The following SIX1 variants were observed in gnomAD, a reference collection of about 807,000 sequenced individuals.
SIX1 encodes homeobox protein SIX1.
Under a neutral mutation model 26.5 loss-of-function variants are expected in SIX1, and 11 were observed. The ratio of observed to expected loss-of-function variants is 0.41; its 90% CI spans 0.26 to 0.69. The LOEUF (loss-of-function observed/expected upper bound fraction) is 0.69, where lower values mean the gene tolerates loss of function less well. Ranked by LOEUF, SIX1 falls within the 30% of genes least tolerant of loss-of-function variation. The probability of loss-of-function intolerance (pLI) is 0.28; values close to 1 mark genes in which losing one functional copy is unlikely to be tolerated. For missense variants in SIX1, 333 were observed against 365.9 expected, an observed-to-expected ratio of 0.91 and a Z score of 0.73; for synonymous variants, 177 against 166.2, an observed-to-expected ratio of 1.06 and a Z score of -0.50.
In SIX1 at chr14:60,646,512, C is replaced by G. The variant is rs758861510; in HGVS notation, c.626G>C (p.Gly209Ala). The change falls in exon 2 of 2, where the codon GGC becomes GCC. Residue 209 changes from glycine (G) to alanine (A), a missense_variant. Physicochemically the swap from Gly to Ala is moderately conservative, Grantham distance 60. This residue lies in a region of SIX1 where 199 missense variants were observed against 215.2 expected (regional missense o/e 0.92). Transcript: ENST00000645694. Reference protein sequence around the residue: ...KQNQLSPLEGGKPLMSSSEEE... With the variant: ...KQNQLSPLEGAKPLMSSSEEE... ...TTCTGAGCTGGACATGAGCGGCTTG[C>G]CCCCTTCCAGAGGAGAGAGTTGGTT... The G allele has an allele frequency of 6.2e-7, 1 of 1,612,900 alleles. No homozygotes were observed. Among genetic ancestry groups the G allele is most frequent in the South Asian group, 1.1e-5 (1 of 91,034 alleles).
rs1440228225 is a variant in SIX1, at chr14:60,646,569, G to A, written c.569C>T (p.Thr190Ile). Residue 190 changes from threonine to isoleucine, a missense_variant, in exon 2 of 2, where the codon ACC becomes ATC. Physicochemically the swap from Thr to Ile is moderately conservative, Grantham distance 89 (BLOSUM62 -1). Coordinates refer to ENST00000645694, the MANE Select transcript of SIX1 (RefSeq NM_005982.4). ...RAAEAKEREN[T>I]ENNNSSSNKQ... ...GTTGGAGGAGGAGTTATTGTTTTCG[G>A]TGTTCTCCCTAAGAAATAGAGGACA... 1 of 1,603,542 alleles carries A rather than the reference G, an allele frequency of 6.2e-7. No individual in the cohort carries two copies. The highest frequency in any genetic ancestry group is 8.5e-7 in the Non-Finnish European group (1 of 1,177,940).
chr14:60,649,090 G>C lies in SIX1; in HGVS notation c.100C>G (p.Leu34Val). 3.1e-6 allele frequency: 5 copies of C among 1,613,570 alleles called. No individual in the cohort carries two copies. Among genetic ancestry groups the C allele is most frequent in the Non-Finnish European group, 4.2e-6 (5 of 1,179,784 alleles). Residue 34 changes from leucine to valine, a missense_variant, in exon 1 of 2, where the codon CTG (leucine) becomes GTG (valine). Physicochemically the swap from Leu to Val is conservative, Grantham distance 32. This residue lies in a region of SIX1 where 133 missense variants were observed against 131.8 expected (regional missense o/e 1.01). Coordinates refer to ENST00000645694, the MANE Select transcript of SIX1 (RefSeq NM_005982.4). This position sits in a 1 kb window ranked among gnomAD's most constrained non-coding sequence, Gnocchi z 5.1. The stretch of plus-strand genomic sequence containing the variant: ...TGGTCGCAGGCGGGCAGTGACCACA[G>C]GAACCTGCCCAGGCGCTCCAGGTTT... ...GGNLERLGRF[L>V]WSLPACDHLH...
In SIX1 at chr14:60,647,242, G is replaced by A. The variant is rs1296811554; in HGVS notation, c.561-665C>T. Reference sequence around the variant, plus strand: ...GGCCCTCGGGCCTGGCTTATAGGACGGCCGTTTTGTAACTAAAGGCTAACT... The same window carrying A: ...GGCCCTCGGGCCTGGCTTATAGGACAGCCGTTTTGTAACTAAAGGCTAACT... On this transcript the variant is annotated intron_variant, in intron 1 of 1. Coordinates refer to ENST00000645694, the MANE Select transcript of SIX1 (RefSeq NM_005982.4). This position sits in a 1 kb window ranked among gnomAD's most constrained non-coding sequence, Gnocchi z 5.1. Among the ~76,000 whole-genome samples, 1 of 152,174 alleles carries A rather than the reference G, an allele frequency of 6.6e-6. No homozygotes were observed. Among genetic ancestry groups the A allele is most frequent in the African/African-American group, 2.4e-5 (1 of 41,424 alleles).
rs1894892940 is a variant in SIX1, at chr14:60,643,433, TTCA to T, written c.*2847_*2849del. 6.6e-6 allele frequency: 1 copy of T among 151,900 alleles called. No homozygotes were observed. The highest frequency in any genetic ancestry group is 2.1e-4 in the South Asian group (1 of 4,816). The allele number at this position is 151,900 out of a possible 1,614,324, so 9.4% of individuals were successfully genotyped here. On this transcript the variant is annotated 3_prime_UTR_variant, in exon 2 of 2. Transcript: ENST00000645694. ...CATCACTCGAGTGTTTTTTTTTTTTTTCATTTCACTTGGCACAATGCTGTATGG... is the reference window on the plus strand; with the variant it reads ...CATCACTCGAGTGTTTTTTTTTTTTTTTTCACTTGGCACAATGCTGTATGG...
In SIX1 at chr14:60,647,695, C is replaced by A. The variant is rs903937663; in HGVS notation, c.560+935G>T. ...GGAAAACCTAACCGGCCCCTGCGCT[C>A]AGGTTTTCCCCCAAACTCTTTGGCT... On this transcript the variant is annotated intron_variant, in intron 1 of 1. Transcript: ENST00000645694. This position sits in a 1 kb window ranked among gnomAD's most constrained non-coding sequence, Gnocchi z 5.1. 1.3e-5 allele frequency among the ~76,000 whole-genome samples: 2 copies of A among 152,138 alleles called. No individual in the cohort carries two copies. Among genetic ancestry groups the A allele is most frequent in the Admixed American group, 6.5e-5 (1 of 15,268 alleles).
Position 60,647,949 on chromosome 14 carries a change from C to T in SIX1, c.560+681G>A, listed in dbSNP as rs1894979539. 6.6e-6 allele frequency among the ~76,000 whole-genome samples: 1 copy of T among 152,244 alleles called. No homozygotes were observed. Among genetic ancestry groups the T allele is most frequent in the Admixed American group, 6.5e-5 (1 of 15,292 alleles). Reference sequence around the variant, plus strand: ...TGGGCATGCGGCGCGGTCAGCCAGACCGACGGGCTGCAGTGCCGGGCCACG... The same window carrying T: ...TGGGCATGCGGCGCGGTCAGCCAGATCGACGGGCTGCAGTGCCGGGCCACG... On this transcript the variant is annotated intron_variant, in intron 1 of 1. Transcript: ENST00000645694. The surrounding 1 kb of genome is among the most constrained non-coding windows in gnomAD (Gnocchi z 5.1).
rs1156862293 is a variant in SIX1, at chr14:60,645,631, G to C, written c.*652C>G. On this transcript the variant is annotated 3_prime_UTR_variant, in exon 2 of 2. Coordinates refer to ENST00000645694, the MANE Select transcript of SIX1 (RefSeq NM_005982.4). The surrounding 1 kb of genome is among the most constrained non-coding windows in gnomAD (Gnocchi z 4.6). ...TTCTGTCTCACATAGAGAGCATTAAGACATTTAGGCACTTGTTTTTTCCTC... is the reference window on the plus strand; with the variant it reads ...TTCTGTCTCACATAGAGAGCATTAACACATTTAGGCACTTGTTTTTTCCTC... 3 of 152,014 alleles carry C rather than the reference G, an allele frequency of 2.0e-5. No homozygotes were observed. The highest frequency in any genetic ancestry group is 7.2e-5 in the African/African-American group (3 of 41,388). 9.4% of individuals were successfully genotyped at this position (152,014 alleles called of 1,614,324 possible).
In SIX1 at chr14:60,646,110, G is replaced by A. The variant is rs568572700; in HGVS notation, c.*173C>T. 1.2e-4 allele frequency: 76 copies of A among 608,120 alleles called. No individual in the cohort carries two copies. The East Asian group carries it at 1.8e-3, about 14-fold the overall frequency. 37.7% of individuals were successfully genotyped at this position (608,120 alleles called of 1,614,324 possible). On this transcript the variant is annotated 3_prime_UTR_variant, in exon 2 of 2. Transcript: ENST00000645694. The stretch of plus-strand genomic sequence containing the variant: ...AGAAGAGGAGATTAAGCTTGAGATC[G>A]CTGTTGGTTTTGATTTTTAAAAAGA...
Position 60,648,567 on chromosome 14 carries a change from G to C in SIX1, c.560+63C>G. On this transcript the variant is annotated intron_variant, in intron 1 of 1. Transcript: ENST00000645694. This position sits in a 1 kb window ranked among gnomAD's most constrained non-coding sequence, Gnocchi z 7.9. Reference sequence around the variant, plus strand: ...GTGGCTGGTGCCTGCGGGGGCGGGAGGGGGCGGAGGAGAAAGGACGGCTTC... The same window carrying C: ...GTGGCTGGTGCCTGCGGGGGCGGGACGGGGCGGAGGAGAAAGGACGGCTTC... 6.7e-6 allele frequency: 10 copies of C among 1,498,516 alleles called. No homozygotes were observed. Among genetic ancestry groups the C allele is most frequent in the Non-Finnish European group, 8.2e-6 (9 of 1,102,550 alleles). 92.8% of individuals were successfully genotyped at this position (1,498,516 alleles called of 1,614,324 possible).
At position 60,649,052 on chromosome 14, in the gene SIX1, G is replaced by A; in HGVS notation, c.138C>T (p.Asn46=). 1 of 1,613,922 alleles carries A rather than the reference G, an allele frequency of 6.2e-7. No homozygotes were observed. The highest frequency in any genetic ancestry group is 8.5e-7 in the Non-Finnish European group (1 of 1,180,006). ...SLPACDHLHK[N]ESVLKAKAVV... ...CCGCCTTGGCCTTGAGTACGCTCTCGTTCTTGTGCAGGTGGTCGCAGGCGG... is the reference window on the plus strand; with the variant it reads ...CCGCCTTGGCCTTGAGTACGCTCTCATTCTTGTGCAGGTGGTCGCAGGCGG... Residue 46 remains asparagine, a synonymous_variant, in exon 1 of 2, where the codon AAC becomes AAT. Transcript: ENST00000645694. The surrounding 1 kb of genome is among the most constrained non-coding windows in gnomAD (Gnocchi z 5.1).
chr14:60,646,746 G>A lies in SIX1; in HGVS notation c.561-169C>T, dbSNP rs553588974. Among the ~76,000 whole-genome samples the A allele has an allele frequency of 3.9e-5, 6 of 152,170 alleles. No individual in the cohort carries two copies. The South Asian group carries it at 1.0e-3, about 26-fold the overall frequency. ...GCTCTACCCTTCCACCCATCCCCAA[G>A]GGTAATGGGGGAGGTGAGGAGTCAG... On this transcript the variant is annotated intron_variant, in intron 1 of 1. Coordinates refer to ENST00000645694, the MANE Select transcript of SIX1 (RefSeq NM_005982.4).
At chr14:60,646,673 A>G (rs1188819874) in intron 1 of SIX1, 96 bp from the exon 2 acceptor site, 18 of 1,071,278 alleles carry the variant, frequency 1.7e-5, no homozygotes, top group Admixed American at 2.4e-5. Context: ...GGGGAGCTGG[A>G]AGGAGGAAAG....
Position 60,643,613 on chromosome 14 carries a change from A to C in SIX1, c.*2670T>G, listed in dbSNP as rs1308329759. On this transcript the variant is annotated 3_prime_UTR_variant, in exon 2 of 2. Coordinates refer to ENST00000645694, the MANE Select transcript of SIX1 (RefSeq NM_005982.4). The stretch of plus-strand genomic sequence containing the variant: ...AGGTCCCTTAACAGCTGGTTCTCGA[A>C]GATTTCCTCGAGGGAAGAAAAAAAT... 4 of 152,088 alleles carry C rather than the reference A, an allele frequency of 2.6e-5. No homozygotes were observed. The East Asian group carries it at 7.7e-4, about 29-fold the overall frequency. 9.4% of individuals were successfully genotyped at this position (152,088 alleles called of 1,614,324 possible). A position where few individuals can be genotyped will look rare whatever the true frequency, so the allele number is the denominator to read the frequency against.
rs1204618068 is a variant in SIX1 at position 60,643,643 on chromosome 14, T to C, written c.*2640A>G. 1 of 152,058 alleles carries C rather than the reference T, an allele frequency of 6.6e-6. No homozygotes were observed. The highest frequency in any genetic ancestry group is 1.5e-5 in the Non-Finnish European group (1 of 68,008). 9.4% of individuals were successfully genotyped at this position (152,058 alleles called of 1,614,324 possible). On this transcript the variant is annotated 3_prime_UTR_variant, in exon 2 of 2. Transcript: ENST00000645694. ...TCCTCGAGGGAAGAAAAAAATATGG[T>C]TAGTTTCCCCTAATGATCTCTCTGA...
chr14:60,645,690 A>C lies in SIX1; in HGVS notation c.*593T>G, dbSNP rs1465737404. The C allele has an allele frequency of 6.6e-6, 1 of 152,196 alleles. No homozygotes were observed. The highest frequency in any genetic ancestry group is 2.4e-5 in the African/African-American group (1 of 41,452). 9.4% of individuals were successfully genotyped at this position (152,196 alleles called of 1,614,324 possible). A position where few individuals can be genotyped will look rare whatever the true frequency, so the allele number is the denominator to read the frequency against. On this transcript the variant is annotated 3_prime_UTR_variant, in exon 2 of 2. Transcript: ENST00000645694. This position sits in a 1 kb window ranked among gnomAD's most constrained non-coding sequence, Gnocchi z 4.6. ...GGTCTTTTATTTTAATCTACATTAA[A>C]TTGTTTAACACTAAATATGAAAAAT...
rs747474509 is a variant in SIX1 at position 60,646,433 on chromosome 14, C to A, written c.705G>T (p.Gln235His). ...SPDQNSVLLL[Q>H]GNMGHARSSN... ...AGCTCCTGGCGTGGCCCATATTGCC[C>A]TGCAGCAGAAGGACCGAGTTCTGGT... Residue 235 changes from glutamine (Q) to histidine (H), a missense_variant, in exon 2 of 2, where the codon CAG becomes CAT. By Grantham distance (24) the Gln-to-His change is conservative. Transcript: ENST00000645694. The A allele has an allele frequency of 1.2e-5, 20 of 1,613,854 alleles. No homozygotes were observed. The East Asian group carries it at 4.2e-4, about 34-fold the overall frequency.
In SIX1 at chr14:60,646,440, A is replaced by G; in HGVS notation, c.698T>C (p.Leu233Pro). The G allele has an allele frequency of 1.2e-6, 2 of 1,614,090 alleles. No individual in the cohort carries two copies. Among genetic ancestry groups the G allele is most frequent in the Non-Finnish European group, 1.7e-6 (2 of 1,180,016 alleles). ...PQSPDQNSVL[L>P]LQGNMGHARS... Reference sequence around the variant, plus strand: ...GGCGTGGCCCATATTGCCCTGCAGCAGAAGGACCGAGTTCTGGTCTGGACT... The same window carrying G: ...GGCGTGGCCCATATTGCCCTGCAGCGGAAGGACCGAGTTCTGGTCTGGACT... The change falls in exon 2 of 2, where the codon CTG (leucine) becomes CCG (proline). Residue 233 changes from leucine (L) to proline (P), a missense_variant. Physicochemically the swap from Leu to Pro is moderately conservative, Grantham distance 98. Coordinates refer to ENST00000645694, the MANE Select transcript of SIX1 (RefSeq NM_005982.4).
In SIX1 at chr14:60,648,631, T is replaced by C. The variant is rs1594673095; in HGVS notation, c.559A>G (p.Arg187Gly). ...AGTCGCGGGAAGCACGCCGCGTACC[T>C]TTCCTTGGCCTCCGCGGCCCGGTCT... ...QRDRAAEAKE[R>G]ENTENNNSSS... is the part of the protein sequence containing the mutation. Residue 187 changes from arginine (R) to glycine (G), a missense_variant and splice_region_variant, in exon 1 of 2, where the codon AGG (arginine) becomes GGG (glycine). Arg to Gly is a moderately radical substitution (Grantham distance 125). This residue lies in a region of SIX1 where 199 missense variants were observed against 215.2 expected (regional missense o/e 0.92). Transcript: ENST00000645694. This position sits in a 1 kb window ranked among gnomAD's most constrained non-coding sequence, Gnocchi z 7.9. 3 of 1,612,062 alleles carry C rather than the reference T, an allele frequency of 1.9e-6. No homozygotes were observed. Among genetic ancestry groups the C allele is most frequent in the South Asian group, 1.1e-5 (1 of 90,792 alleles).
At position 60,648,521 on chromosome 14, in the gene SIX1, C is replaced by A; in HGVS notation, c.560+109G>T. 1 of 1,154,894 alleles carries A rather than the reference C, an allele frequency of 8.7e-7. No individual in the cohort carries two copies. The highest frequency in any genetic ancestry group is 1.4e-5 in the South Asian group (1 of 71,270). The allele number at this position is 1,154,894 out of a possible 1,614,324, so 71.5% of individuals were successfully genotyped here. On this transcript the variant is annotated intron_variant, in intron 1 of 1. Coordinates refer to ENST00000645694, the MANE Select transcript of SIX1 (RefSeq NM_005982.4). This position sits in a 1 kb window ranked among gnomAD's most constrained non-coding sequence, Gnocchi z 7.9. ...CTGCGCGCCGCCCCGTGGACGGGCT[C>A]CGGCCGGCGGGGAGGACTTGGTGGC...
Sources: gnomAD v4.1 joint callset for allele counts (sites outside exome capture counted in the v4.1 genomes callset) on GRCh38, gnomAD v4.1.1 for gene constraint, gnomAD v4.1.1 regional missense constraint, Gnocchi (gnomAD v3.1) non-coding constraint, MANE v1.5 for transcripts, NCBI Gene and HGNC (gene_info 2026-07-23, HGNC 2026-07-21) for gene names.